Variants in RBFOX1 observed in about 807,000 individuals in gnomAD.
RBFOX1 encodes RNA binding fox-1 homolog 1.
RBFOX1 carries 8 observed loss-of-function variants against 57.7 expected under a neutral mutation model. That is an observed-to-expected ratio of 0.14 (90% CI 0.08 to 0.25). The LOEUF (loss-of-function observed/expected upper bound fraction) is 0.25, where lower values mean the gene tolerates loss of function less well. Ranked by LOEUF, RBFOX1 falls within the 10% of genes least tolerant of loss-of-function variation. The pLI is 1.00. For synonymous variants in RBFOX1, 326 were observed against 222.4 expected (o/e 1.47, Z -4.15); for missense variants, 611 against 548.5 (o/e 1.11, Z -1.14).
intron 4 of RBFOX1, among the ~76,000 whole-genome samples, chr16:7,062,456 C>T (rs2054666218): frequency 6.6e-6 from 1 of 152,038 alleles, no homozygotes; most frequent in African/African-American, 2.4e-5. Context: ...GTACAGCAAG[C>T]ATGTGCTTCC....
chr16:7,103,859 AG>A (rs765036954), intron 4 of RBFOX1, among the ~76,000 whole-genome samples: 11 of 152,170 alleles, frequency 7.2e-5, no homozygotes, highest in Non-Finnish European at 1.5e-4. Flanking sequence ...ACTATTACCT[AG>A]TGATACCATT....
intron 1 of RBFOX1, among the ~76,000 whole-genome samples, chr16:6,299,107 C>T (rs980384758): frequency 3.2e-4 from 49 of 152,114 alleles, no homozygotes; most frequent in African/African-American, 1.1e-3. Flanking sequence ...GGAAAGTAAC[C>T]CCAAGCAATG....
At chr16:6,678,206 C>G (rs540028003) in intron 3 of RBFOX1, among the ~76,000 whole-genome samples, 2 of 152,326 alleles carry the variant, frequency 1.3e-5, no homozygotes, top group Admixed American at 1.3e-4. Flanking sequence ...TCACTGCAGC[C>G]TCTGCCTCCT....
At chr16:6,206,559 T>G (rs2097256633) in intron 1 of RBFOX1, among the ~76,000 whole-genome samples, 1 of 152,238 alleles carries the variant, frequency 6.6e-6, no homozygotes. Flanking sequence ...GCTGGCGATA[T>G]TAAATGTTCA....
intron 2 of RBFOX1, among the ~76,000 whole-genome samples, chr16:6,645,342 G>T (rs894479331): frequency 2.0e-5 from 3 of 152,072 alleles, no homozygotes; most frequent in Non-Finnish European, 4.4e-5. Context: ...GTTGAACCCC[G>T]TGCTGGCTAC....
intron 4 of RBFOX1, among the ~76,000 whole-genome samples, chr16:5,923,263 A>C (rs1306033965): frequency 1.3e-5 from 2 of 152,188 alleles, no homozygotes; most frequent in African/African-American, 4.8e-5. Context: ...AAATTAACAA[A>C]AAGAGAGGAG....
At chr16:6,285,934 T>G (rs981198269) in intron 1 of RBFOX1, among the ~76,000 whole-genome samples, 2 of 152,200 alleles carry the variant, frequency 1.3e-5, no homozygotes, top group African/African-American at 4.8e-5. Flanking sequence ...TGAGGCTTCT[T>G]GTGTAAAAGT....
chr16:7,688,000 A>G (rs558360082), intron 14 of RBFOX1, among the ~76,000 whole-genome samples: 2 of 152,142 alleles, frequency 1.3e-5, no homozygotes, highest in East Asian at 1.9e-4. Context: ...ATTTTATTTA[A>G]AAAACAATCC....
intron 13 of RBFOX1, among the ~76,000 whole-genome samples, chr16:7,674,662 C>G (rs1165720570): frequency 2.0e-5 from 3 of 152,186 alleles, no homozygotes; most frequent in Non-Finnish European, 4.4e-5. Context: ...AAGTCATATG[C>G]AAACAGAGTA....
chr16:6,212,647 C>T (rs778320242), intron 1 of RBFOX1, among the ~76,000 whole-genome samples: 1 of 152,064 alleles, frequency 6.6e-6, no homozygotes, highest in Admixed American at 6.5e-5. Flanking sequence ...GTGGAGCTTG[C>T]AGTGAGCTGA....
chr16:6,521,433 T>TCCCTCCCCTC (rs544333735), intron 2 of RBFOX1, among the ~76,000 whole-genome samples: 1 of 144,688 alleles, frequency 6.9e-6, no homozygotes, highest in Non-Finnish European at 1.5e-5. Flanking sequence ...TTCCTTCCCT[T>TCCCTCCCCTC]CCCTCCCCTC....
chr16:7,253,375 C>CT (rs1413160061), intron 4 of RBFOX1, among the ~76,000 whole-genome samples: 5 of 152,102 alleles, frequency 3.3e-5, no homozygotes, highest in Admixed American at 3.3e-4. Context: ...CATTTTCACT[C>CT]TAACTGCTTT....
At chr16:5,816,130 A>G (rs1055191851) in intron 3 of RBFOX1, among the ~76,000 whole-genome samples, 5 of 152,088 alleles carry the variant, frequency 3.3e-5, no homozygotes, top group Admixed American at 1.3e-4. Flanking sequence ...CAATTTGCAA[A>G]CAGGGAGTCA....
At chr16:6,351,006 C>G (rs755378284) in intron 2 of RBFOX1, among the ~76,000 whole-genome samples, 19 of 152,148 alleles carry the variant, frequency 1.2e-4, no homozygotes, top group Non-Finnish European at 2.5e-4. Flanking sequence ...CAAGTAGCAA[C>G]TTGTGCAAAG....
intron 4 of RBFOX1, among the ~76,000 whole-genome samples, chr16:5,920,209 C>T (rs565770541): frequency 5.6e-4 from 85 of 152,356 alleles, no homozygotes; most frequent in African/African-American, 1.8e-3. Context: ...GCTGGGTTTA[C>T]AGGCCTGAGC....
intron 2 of RBFOX1, among the ~76,000 whole-genome samples, chr16:5,521,064 G>GA (rs1178778076): frequency 1.3e-5 from 2 of 152,198 alleles, no homozygotes; most frequent in Non-Finnish European, 2.9e-5. Flanking sequence ...AGAAGATACT[G>GA]AACCAGCCCC....
chr16:6,825,940 A>C (rs763432201), intron 3 of RBFOX1, among the ~76,000 whole-genome samples: 7 of 152,164 alleles, frequency 4.6e-5, no homozygotes, highest in Non-Finnish European at 1.0e-4. Context: ...GTTGTACCGC[A>C]GGGTGCTCAT....
intron 14 of RBFOX1, among the ~76,000 whole-genome samples, chr16:7,691,703 C>T (rs541567690): frequency 1.3e-5 from 2 of 152,220 alleles, no homozygotes; most frequent in South Asian, 4.1e-4. Flanking sequence ...AAGTGGCTTT[C>T]CTGATGTCTA....
At chr16:6,485,900 A>G (rs570237496) in intron 2 of RBFOX1, among the ~76,000 whole-genome samples, 1 of 152,256 alleles carries the variant, frequency 6.6e-6, no homozygotes, top group African/African-American at 2.4e-5. Flanking sequence ...CTTGGTAGAA[A>G]TAACTATCAG....
Sources: allele counts gnomAD v4.1 joint callset (sites outside exome capture counted in the v4.1 genomes callset), GRCh38; gene constraint gnomAD v4.1.1; transcripts MANE v1.5; gene names NCBI Gene and HGNC (gene_info 2026-07-23, HGNC 2026-07-21).